CREB5: variants seen among roughly 807,000 people sequenced by gnomAD.
CREB5 encodes the protein cyclic AMP-responsive element-binding protein 5.
Under a neutral mutation model 57.1 loss-of-function variants are expected in CREB5, and 19 were observed. The observed-to-expected ratio is 0.33, with a 90% CI of 0.23 to 0.49. CREB5 has a LOEUF of 0.49. Ranked by LOEUF, CREB5 falls within the 20% of genes least tolerant of loss-of-function variation. The pLI, the probability that CREB5 is intolerant of heterozygous loss-of-function variation, is 0.99. For synonymous variants in CREB5, 238 were observed against 238.3 expected, an observed-to-expected ratio of 1.00 and a Z score of 0.01; for missense variants, 579 against 671.6, an observed-to-expected ratio of 0.86 and a Z score of 1.52.
chr7:28,367,917 G>A (rs77563663), intron 1 of CREB5, among the ~76,000 whole-genome samples: 3,690 of 152,210 alleles, frequency 0.024, 99 homozygotes, highest in Admixed American at 0.058. Context: ...TCCCTCCCTA[G>A]ACTAAGATGC....
At chr7:28,484,449 A>G (rs6945715) in intron 1 of CREB5, among the ~76,000 whole-genome samples, 35,010 of 152,110 alleles carry the variant, frequency 0.23, 4,602 homozygotes, top group African/African-American at 0.36. Flanking sequence ...AGGAATTAGC[A>G]AGAGAATGCT....
chr7:28,330,030 C>T (rs1785684225), intron 1 of CREB5, among the ~76,000 whole-genome samples: 1 of 152,236 alleles, frequency 6.6e-6, no homozygotes, highest in Admixed American at 6.5e-5. Flanking sequence ...CATGGGACCT[C>T]CCTACTCTTG....
intron 4 of CREB5, among the ~76,000 whole-genome samples, chr7:28,560,011 T>C: frequency 6.6e-6 from 1 of 152,228 alleles, no homozygotes; most frequent in East Asian, 1.9e-4. Flanking sequence ...CTAATCATTC[T>C]AAGAATAAGA....
At chr7:28,300,529 A>G (rs922144313) in intron 1 of CREB5, among the ~76,000 whole-genome samples, 1 of 152,202 alleles carries the variant, frequency 6.6e-6, no homozygotes, top group African/African-American at 2.4e-5. Flanking sequence ...ACAAAGGTGC[A>G]TTCAAAACAG....
intron 5 of CREB5, among the ~76,000 whole-genome samples, chr7:28,649,134 G>A (rs570360106): frequency 5.3e-5 from 8 of 152,300 alleles, no homozygotes; most frequent in Admixed American, 3.3e-4. Context: ...AACTATATAC[G>A]AAGCAGGCAG....
chr7:28,682,381 T>C (rs1046470073), intron 5 of CREB5, among the ~76,000 whole-genome samples: 2 of 152,166 alleles, frequency 1.3e-5, no homozygotes, highest in Non-Finnish European at 2.9e-5. Flanking sequence ...ACCATGTGGG[T>C]GTGCAGTGGT....
chr7:28,820,774 A>G lies in CREB5; in HGVS notation c.*1495A>G, dbSNP rs1408332297. 6.6e-6 allele frequency: 1 copy of G among 151,790 alleles called. No homozygotes were observed. Among genetic ancestry groups the G allele is most frequent in the African/African-American group, 2.4e-5 (1 of 41,268 alleles). 9.4% of individuals were successfully genotyped at this position (151,790 alleles called of 1,614,324 possible). Reference sequence around the variant, plus strand: ...TCACATAACCATGCCTGGCTAATTTATTTTTACTTTTATTTTAAAATAAAA... The same window carrying G: ...TCACATAACCATGCCTGGCTAATTTGTTTTTACTTTTATTTTAAAATAAAA... On this transcript the variant is annotated 3_prime_UTR_variant, in exon 11 of 11. Coordinates refer to ENST00000357727, the MANE Select transcript of CREB5 (RefSeq NM_182898.4).
chr7:28,757,401 G>A (rs1018610148), intron 7 of CREB5, among the ~76,000 whole-genome samples: 7 of 152,184 alleles, frequency 4.6e-5, no homozygotes, highest in African/African-American at 7.2e-5. Context: ...GGCTGGGCAC[G>A]GTGGCTCATG....
intron 7 of CREB5, among the ~76,000 whole-genome samples, chr7:28,774,945 A>G (rs778076974): frequency 6.6e-6 from 1 of 152,232 alleles, no homozygotes; most frequent in Non-Finnish European, 1.5e-5. Flanking sequence ...CAAGTGGTAT[A>G]GTCCAGGGAT....
intron 4 of CREB5, among the ~76,000 whole-genome samples, chr7:28,533,843 C>T: frequency 6.6e-6 from 1 of 152,188 alleles, no homozygotes; most frequent in Non-Finnish European, 1.5e-5. Flanking sequence ...CTTCTTCCTC[C>T]TCTTCTCCTA....
intron 1 of CREB5, among the ~76,000 whole-genome samples, chr7:28,360,039 G>A (rs948571509): frequency 5.3e-5 from 8 of 152,128 alleles, no homozygotes; most frequent in South Asian, 4.1e-4. Context: ...ATCTCATACC[G>A]GTCAGAATGA....
chr7:28,467,759 C>A (rs573721698), intron 1 of CREB5, among the ~76,000 whole-genome samples: 1 of 152,188 alleles, frequency 6.6e-6, no homozygotes, highest in South Asian at 2.1e-4. Context: ...ATCAAGTGGG[C>A]CAGGACAGCA....
intron 9 of CREB5, among the ~76,000 whole-genome samples, chr7:28,812,899 G>A (rs1809208234): frequency 6.6e-6 from 1 of 152,150 alleles, no homozygotes; most frequent in African/African-American, 2.4e-5. Flanking sequence ...AGGTCTGGAT[G>A]GCCAGCTGCC....
At chr7:28,482,846 T>C (rs1486561908) in intron 1 of CREB5, among the ~76,000 whole-genome samples, 1 of 152,214 alleles carries the variant, frequency 6.6e-6, no homozygotes, top group East Asian at 1.9e-4. Flanking sequence ...TAACTTTTGG[T>C]ATTTATAAGA....
intron 4 of CREB5, among the ~76,000 whole-genome samples, chr7:28,569,615 T>C (rs762573765): frequency 1.3e-5 from 2 of 152,222 alleles, no homozygotes; most frequent in Non-Finnish European, 2.9e-5. Flanking sequence ...ATGCCTACTA[T>C]GGTCCAAGCA....
At chr7:28,746,708 G>A (rs1024138992) in intron 7 of CREB5, among the ~76,000 whole-genome samples, 5 of 152,166 alleles carry the variant, frequency 3.3e-5, no homozygotes, top group South Asian at 2.1e-4. Flanking sequence ...TTCTGTTTGA[G>A]ACCCCTTCAG....
intron 9 of CREB5, among the ~76,000 whole-genome samples, chr7:28,812,981 T>C (rs1809214055): frequency 6.6e-6 from 1 of 152,138 alleles, no homozygotes; most frequent in South Asian, 2.1e-4. Context: ...AAACCAGACC[T>C]AAGAAAACAA....
intron 5 of CREB5, among the ~76,000 whole-genome samples, chr7:28,661,023 C>CT (rs1799590064): frequency 1.4e-5 from 2 of 146,222 alleles, no homozygotes; most frequent in Admixed American, 6.9e-5. Flanking sequence ...TCACCGAGCA[C>CT]TTTTTCAGCT....
chr7:28,583,836 G>A (rs1057488898), intron 5 of CREB5, among the ~76,000 whole-genome samples: 1 of 151,814 alleles, frequency 6.6e-6, no homozygotes, highest in South Asian at 2.1e-4. Flanking sequence ...GATCCCCCAC[G>A]CCCGGCTAAT....
Sources: gnomAD v4.1 joint callset for allele counts (sites outside exome capture counted in the v4.1 genomes callset) on GRCh38, gnomAD v4.1.1 for gene constraint, MANE v1.5 for transcripts, NCBI Gene and HGNC (gene_info 2026-07-23, HGNC 2026-07-21) for gene names.